Variants in AOPEP observed in about 807,000 individuals in gnomAD.
AOPEP encodes aminopeptidase O.
In AOPEP, 77 loss-of-function variants were observed where a neutral mutation model predicts 98.1. The ratio of observed to expected loss-of-function variants is 0.78; its 90% CI spans 0.65 to 0.95. The LOEUF is 0.95. Ranked by LOEUF, AOPEP falls within the 40% of genes least tolerant of loss-of-function variation. The pLI is 0.00. For synonymous variants in AOPEP, 346 were observed against 365.3 expected (o/e 0.95, Z 0.60); for missense variants, 1,024 against 1,024.7 (o/e 1.00, Z 0.01).
At chr9:95,030,424 A>G (rs767126622) in intron 13 of AOPEP, among the ~76,000 whole-genome samples, 16 of 152,234 alleles carry the variant, frequency 1.1e-4, no homozygotes, top group Non-Finnish European at 1.5e-4. Flanking sequence ...TTCATTGACC[A>G]TGAGTACTGG....
At chr9:94,840,235 T>C (rs573311501) in intron 5 of AOPEP, among the ~76,000 whole-genome samples, 1 of 152,362 alleles carries the variant, frequency 6.6e-6, no homozygotes, top group South Asian at 2.1e-4. Context: ...AGATGCTTTT[T>C]CTGTATTAAT....
At chr9:94,810,196 A>G (rs1327122492) in intron 5 of AOPEP, 2 of 153,252 alleles carry the variant, frequency 1.3e-5, no homozygotes, top group African/African-American at 4.8e-5. Context: ...ACAGGCGGGG[A>G]CTTTGGGCAA....
Position 94,842,430 on chromosome 9 carries a change from G to C in AOPEP, c.1364+41428G>C, listed in dbSNP as rs572072926. Among the ~76,000 whole-genome samples, 211 of 152,242 alleles carry C rather than the reference G, an allele frequency of 1.4e-3. 2 individuals are homozygous for C. The highest frequency in any genetic ancestry group is 4.7e-3 in the African/African-American group (196 of 41,554). On this transcript the variant is annotated intron_variant, in intron 5 of 16. Coordinates refer to ENST00000375315, the MANE Select transcript of AOPEP (RefSeq NM_001193329.3). ...ACTAAGTTTATAAAAAAGAATGTCT[G>C]TTCTGCTGTTATTGGATGGAGTTGT...
intron 5 of AOPEP, among the ~76,000 whole-genome samples, chr9:94,823,920 AATTGTATCACACCCAG>A (rs766723738): frequency 9.9e-5 from 15 of 152,168 alleles, no homozygotes; most frequent in Non-Finnish European, 2.2e-4. Context: ...CGTGACGTTG[AATTGTATCACACCCAG>A]CTTACTATGC....
intron 11 of AOPEP, among the ~76,000 whole-genome samples, chr9:94,996,465 C>T (rs1398994004): frequency 1.3e-5 from 2 of 151,130 alleles, no homozygotes; most frequent in Admixed American, 1.3e-4. Flanking sequence ...GTTGTGACTT[C>T]ATTGGTTTTC....
At chr9:94,831,792 A>G (rs1040482098) in intron 5 of AOPEP, among the ~76,000 whole-genome samples, 2 of 152,010 alleles carry the variant, frequency 1.3e-5, no homozygotes, top group African/African-American at 2.4e-5. Context: ...AAAGAGAAAA[A>G]ATACCTGGAA....
At chr9:94,918,787 T>C (rs1024089846) in intron 5 of AOPEP, among the ~76,000 whole-genome samples, 1 of 152,180 alleles carries the variant, frequency 6.6e-6, no homozygotes, top group African/African-American at 2.4e-5. Flanking sequence ...AAGGAGAAGA[T>C]GTTTGGGTAC....
At chr9:94,822,742 C>G (rs1416474869) in intron 5 of AOPEP, among the ~76,000 whole-genome samples, 1 of 152,202 alleles carries the variant, frequency 6.6e-6, no homozygotes. Flanking sequence ...AACTGTTTAT[C>G]GAGCTCTGAA....
rs554562407 is a variant in AOPEP, at chr9:94,980,492, G to T, written c.1977+1065G>T. Among the ~76,000 whole-genome samples, 1 of 152,224 alleles carries T rather than the reference G, an allele frequency of 6.6e-6. No individual in the cohort carries two copies. The highest frequency in any genetic ancestry group is 1.5e-5 in the Non-Finnish European group (1 of 68,026). ...TGAACCATGAAATGAAGGGACAGGAGGGGCTGTTCTCCATTACCTTTTCAT... is the reference window on the plus strand; with the variant it reads ...TGAACCATGAAATGAAGGGACAGGATGGGCTGTTCTCCATTACCTTTTCAT... On this transcript the variant is annotated intron_variant, in intron 11 of 16. Transcript: ENST00000375315. This position sits in a 1 kb window ranked among gnomAD's most constrained non-coding sequence, Gnocchi z 4.3.
At chr9:94,927,087 T>C (rs2054462996) in intron 6 of AOPEP, among the ~76,000 whole-genome samples, 5 of 152,292 alleles carry the variant, frequency 3.3e-5, no homozygotes, top group Admixed American at 3.3e-4. Flanking sequence ...TGGTTTCTGG[T>C]GAGGCCCCTC....
At chr9:94,801,071 C>A in intron 5 of AOPEP, 69 bp downstream of exon 5, 1 of 1,558,748 alleles carries the variant, frequency 6.4e-7, no homozygotes, top group South Asian at 1.1e-5. Context: ...TCTTGCTTTC[C>A]TTGAGCTCTG....
At chr9:94,805,510 GCAA>G (rs979524044) in intron 5 of AOPEP, among the ~76,000 whole-genome samples, 5 of 150,520 alleles carry the variant, frequency 3.3e-5, no homozygotes, top group Admixed American at 2.0e-4. Flanking sequence ...TTTAAAAAAA[GCAA>G]CAACAACTGA....
intron 3 of AOPEP, among the ~76,000 whole-genome samples, chr9:94,777,966 C>T (rs1842525206): frequency 6.6e-6 from 1 of 151,896 alleles, no homozygotes; most frequent in Non-Finnish European, 1.5e-5. Flanking sequence ...AATAAAAAAC[C>T]CCACATGAAA....
intron 11 of AOPEP, among the ~76,000 whole-genome samples, chr9:94,999,427 G>C (rs549891536): frequency 3.9e-5 from 6 of 152,140 alleles, no homozygotes; most frequent in Non-Finnish European, 5.9e-5. Context: ...TATTCAAGAA[G>C]TAAAAACAAA....
At chr9:94,735,673 A>T (rs7048122) in intron 1 of AOPEP, among the ~76,000 whole-genome samples, 2,271 of 151,820 alleles carry the variant, frequency 0.015, 55 homozygotes, top group African/African-American at 0.053. Flanking sequence ...TTATTGAGAT[A>T]TAATTCACAT....
the AOPEP span, among the ~76,000 whole-genome samples, chr9:95,139,566 C>T: frequency 6.6e-6 from 1 of 151,888 alleles, no homozygotes; most frequent in Non-Finnish European, 1.5e-5. Context: ...GGAGTATGCC[C>T]CTATTTCAAA....
At chr9:94,807,355 C>G (rs1301056325) in intron 5 of AOPEP, among the ~76,000 whole-genome samples, 8 of 152,172 alleles carry the variant, frequency 5.3e-5, no homozygotes, top group Non-Finnish European at 1.5e-5. Context: ...TTGAACTGTT[C>G]TCCCCACACA....
chr9:95,073,472 G>A (rs1306971465), intron 14 of AOPEP, among the ~76,000 whole-genome samples: 2 of 151,932 alleles, frequency 1.3e-5, no homozygotes, highest in African/African-American at 2.4e-5. Flanking sequence ...AGAAGAGGCC[G>A]GCGCGGTGGC....
At chr9:94,870,641 T>G (rs2046239653) in intron 5 of AOPEP, among the ~76,000 whole-genome samples, 1 of 152,196 alleles carries the variant, frequency 6.6e-6, no homozygotes, top group Non-Finnish European at 1.5e-5. Flanking sequence ...GAGCCAGCCT[T>G]GTCTCAGGCA....
Sources: allele counts gnomAD v4.1 joint callset (sites outside exome capture counted in the v4.1 genomes callset), GRCh38; gene constraint gnomAD v4.1.1; non-coding constraint Gnocchi (gnomAD v3.1); transcripts MANE v1.5; gene names NCBI Gene and HGNC (gene_info 2026-07-23, HGNC 2026-07-21).